Variants in QPCT observed in about 807,000 individuals in gnomAD.
QPCT encodes the protein EC.
A neutral mutation model predicts 43.4 loss-of-function variants in QPCT; 44 were observed. That is an observed-to-expected ratio of 1.01 (90% CI 0.80 to 1.30). The LOEUF is 1.30. Among genes scored for constraint, QPCT ranks in the 50% most tolerant of loss-of-function variants. The pLI, the probability that QPCT is intolerant of heterozygous loss-of-function variation, is 0.00. For synonymous variants in QPCT, 168 were observed against 168.4 expected (o/e 1.00, Z 0.02); for missense variants, 526 against 436.5 (o/e 1.21, Z -1.83).
intron 3 of QPCT, among the ~76,000 whole-genome samples, chr2:37,360,888 A>G (rs1672846962): frequency 6.6e-6 from 1 of 152,200 alleles, no homozygotes; most frequent in African/African-American, 2.4e-5. Flanking sequence ...GCAAAAGTCT[A>G]ATTTTTCATA....
chr2:37,345,204 C>G (rs1672457866), intron 1 of QPCT, among the ~76,000 whole-genome samples: 1 of 152,160 alleles, frequency 6.6e-6, no homozygotes, highest in African/African-American at 2.4e-5. Context: ...CACTCGGGAC[C>G]CTGGAGGGCA....
At chr2:37,352,743 A>G in intron 1 of QPCT, 46 bp from the exon 2 acceptor site, 1 of 1,596,828 alleles carries the variant, frequency 6.3e-7, no homozygotes, top group South Asian at 1.1e-5. Flanking sequence ...AGTCTTAAAC[A>G]TGTTATGAAA....
At chr2:37,355,829 G>T (rs984543094) in intron 2 of QPCT, among the ~76,000 whole-genome samples, 1 of 152,090 alleles carries the variant, frequency 6.6e-6, no homozygotes, top group African/African-American at 2.4e-5. Flanking sequence ...TTGTCTAAAA[G>T]AGGCAAACTA....
intron 5 of QPCT, 79 bp from the exon 6 acceptor site, chr2:37,372,277 A>T (rs987957027): frequency 1.9e-6 from 2 of 1,042,294 alleles, no homozygotes; most frequent in Admixed American, 3.5e-5. Context: ...AAGATTTCAA[A>T]CTCCTTAAAT....
At chr2:37,348,951 T>C (rs1672564950) in intron 1 of QPCT, among the ~76,000 whole-genome samples, 3 of 152,234 alleles carry the variant, frequency 2.0e-5, no homozygotes, top group Admixed American at 2.0e-4. Context: ...TCTTTCCAGC[T>C]TTTTCCTCTT....
In QPCT at chr2:37,359,720, C is replaced by G. The variant is rs1199928120; in HGVS notation, c.408C>G (p.Val136=). The G allele has an allele frequency of 6.2e-7, 1 of 1,614,142 alleles. No individual in the cohort carries two copies. The highest frequency in any genetic ancestry group is 8.5e-7 in the Non-Finnish European group (1 of 1,180,010). ...ATCCCACTGCTAAACGACATTTGGT[C>G]CTCGCCTGCCACTATGACTCCAAGT... The part of the protein sequence containing the change: ...TLNPTAKRHL[V]LACHYDSKYF... The change falls in exon 3 of 7, where the codon GTC becomes GTG. Residue 136 remains valine (V), a synonymous_variant. Transcript: ENST00000338415.
At chr2:37,345,706 C>G (rs758119604) in intron 1 of QPCT, among the ~76,000 whole-genome samples, 1 of 151,892 alleles carries the variant, frequency 6.6e-6, no homozygotes, top group African/African-American at 2.4e-5. Flanking sequence ...CGTGGTGGCA[C>G]GCACCTGTAA....
intron 3 of QPCT, among the ~76,000 whole-genome samples, chr2:37,365,077 G>GCACACACA (rs56740546): frequency 4.0e-4 from 58 of 146,078 alleles, no homozygotes; most frequent in African/African-American, 1.3e-3. Context: ...ACACAACACA[G>GCACACACA]CACACACACA....
intron 3 of QPCT, among the ~76,000 whole-genome samples, chr2:37,364,377 G>C (rs1273096407): frequency 6.6e-6 from 1 of 152,200 alleles, no homozygotes; most frequent in East Asian, 1.9e-4. Context: ...TAGGCAGCAG[G>C]CCTAGTGGTC....
intron 4 of QPCT, chr2:37,368,382 A>G (rs3770748): frequency 0.17 from 31,171 of 181,856 alleles, 3,215 homozygotes; most frequent in East Asian, 0.54. Flanking sequence ...TTCTGTCCCC[A>G]CGTCTTCACT....
At chr2:37,349,364 G>A (rs1048654747) in intron 1 of QPCT, among the ~76,000 whole-genome samples, 1 of 152,280 alleles carries the variant, frequency 6.6e-6, no homozygotes, top group Non-Finnish European at 1.5e-5. Flanking sequence ...GCATTTTTTG[G>A]TGCTATTTGC....
intron 4 of QPCT, among the ~76,000 whole-genome samples, chr2:37,369,172 A>G (rs1211987414): frequency 6.6e-6 from 1 of 152,220 alleles, no homozygotes; most frequent in African/African-American, 2.4e-5. Flanking sequence ...CTTATTTGAT[A>G]CACAAGGAAA....
chr2:37,345,853 A>AG (rs1672477419), intron 1 of QPCT, among the ~76,000 whole-genome samples: 1 of 151,898 alleles, frequency 6.6e-6, no homozygotes, highest in Non-Finnish European at 1.5e-5. Context: ...AAAAAAAAAA[A>AG]AAGAAGTATA....
intron 2 of QPCT, among the ~76,000 whole-genome samples, chr2:37,353,539 G>A (rs1672668178): frequency 6.6e-6 from 1 of 152,176 alleles, no homozygotes; most frequent in Admixed American, 6.5e-5. Context: ...AATATGGTCA[G>A]TTCTATTTTA....
At chr2:37,364,423 AG>A (rs1051131594) in intron 3 of QPCT, among the ~76,000 whole-genome samples, 1 of 152,100 alleles carries the variant, frequency 6.6e-6, no homozygotes, top group Non-Finnish European at 1.5e-5. Context: ...GGGCTCCGGA[AG>A]GGCCCATTCT....
At chr2:37,358,586 T>C (rs1672796223) in intron 2 of QPCT, 1 of 152,208 alleles carries the variant, frequency 6.6e-6, no homozygotes, top group Non-Finnish European at 1.5e-5. Flanking sequence ...GTCTATAATA[T>C]GTTCTTTAAA....
Position 37,359,805 on chromosome 2 carries a change from G to T in QPCT, c.493G>T (p.Ala165Ser). The change falls in exon 3 of 7, where the codon GCA becomes TCA. Residue 165 changes from alanine to serine, a missense_variant. Transcript: ENST00000338415. ...AGCCACTGATTCAGCCGTGCCATGT[G>T]CAATGATGTTGGAACTTGCTCGTGC... The part of the protein sequence containing the change: ...VGATDSAVPC[A>S]MMLELARALD... The T allele has an allele frequency of 4.3e-6, 7 of 1,614,208 alleles. No individual in the cohort carries two copies. The highest frequency in any genetic ancestry group is 1.3e-5 in the African/African-American group (1 of 75,056).
intron 3 of QPCT, among the ~76,000 whole-genome samples, chr2:37,363,078 T>C (rs1298741798): frequency 6.6e-6 from 1 of 152,170 alleles, no homozygotes; most frequent in African/African-American, 2.4e-5. Context: ...ATCTATAGTT[T>C]CTCTCCCATC....
At chr2:37,348,731 A>G (rs944943277) in intron 1 of QPCT, among the ~76,000 whole-genome samples, 7 of 152,228 alleles carry the variant, frequency 4.6e-5, no homozygotes, top group Non-Finnish European at 7.3e-5. Context: ...TCTTGCACTC[A>G]GAGCAGACTT....
Sources: allele counts gnomAD v4.1 joint callset (sites outside exome capture counted in the v4.1 genomes callset), GRCh38; gene constraint gnomAD v4.1.1; transcripts MANE v1.5; gene names NCBI Gene and HGNC (gene_info 2026-07-23, HGNC 2026-07-21).